TNKS: variants seen among roughly 807,000 people sequenced by gnomAD.
The protein encoded by TNKS is tankyrase, also known as poly [ADP-ribose] polymerase tankyrase-1.
TNKS carries 72 observed loss-of-function variants against 135.8 expected under a neutral mutation model. The observed-to-expected ratio is 0.53, with a 90% CI of 0.44 to 0.64. The LOEUF is 0.64. Ranked by LOEUF, TNKS falls within the 30% of genes least tolerant of loss-of-function variation. TNKS has a pLI of 0.00. For missense variants in TNKS, 1,769 were observed against 1,674.0 expected (o/e 1.06, Z -0.99); for synonymous variants, 849 against 649.3 (o/e 1.31, Z -4.68).
At chr8:9,688,630 T>TTTTTC (rs1432033988) in intron 5 of TNKS, among the ~76,000 whole-genome samples, 1 of 152,134 alleles carries the variant, frequency 6.6e-6, no homozygotes, top group Admixed American at 6.5e-5. Flanking sequence ...GAGCAAGTTT[T>TTTTTC]TTTTCTTTTC....
chr8:9,682,459 C>T (rs1018403285), intron 5 of TNKS, among the ~76,000 whole-genome samples: 3 of 152,134 alleles, frequency 2.0e-5, no homozygotes, highest in African/African-American at 7.2e-5. Context: ...ATGTATAGAA[C>T]TCATTTATTT....
At chr8:9,693,326 G>T (rs1803364963) in intron 5 of TNKS, among the ~76,000 whole-genome samples, 1 of 151,930 alleles carries the variant, frequency 6.6e-6, no homozygotes, top group Non-Finnish European at 1.5e-5. Context: ...TCCTATTTGT[G>T]TGGGAAAAAA....
intron 5 of TNKS, among the ~76,000 whole-genome samples, chr8:9,703,189 C>T (rs1367042189): frequency 6.6e-6 from 1 of 152,076 alleles, no homozygotes; most frequent in Non-Finnish European, 1.5e-5. Flanking sequence ...GAGATGGCTA[C>T]TTAATTTGTA....
At chr8:9,660,702 G>A (rs4262324) in intron 3 of TNKS, among the ~76,000 whole-genome samples, 1 of 152,268 alleles carries the variant, frequency 6.6e-6, no homozygotes, top group African/African-American at 2.4e-5. Context: ...TCTCTCACCA[G>A]TCCTATTCAA....
chr8:9,655,452 G>A lies in TNKS; in HGVS notation c.995-24499G>A, dbSNP rs187491432. Reference sequence around the variant, plus strand: ...AACGGGCAGACTGCCTCCTCAAGTGGGTCCCTGACCCCCGAGTAGCCTAAC... The same window carrying A: ...AACGGGCAGACTGCCTCCTCAAGTGAGTCCCTGACCCCCGAGTAGCCTAAC... On this transcript the variant is annotated intron_variant, in intron 3 of 26. Transcript: ENST00000310430. Among the ~76,000 whole-genome samples, 449 of 152,262 alleles carry A rather than the reference G, an allele frequency of 2.9e-3. 1 individual carries two copies. The highest frequency in any genetic ancestry group is 6.0e-3 in the Admixed American group (92 of 15,290).
intron 12 of TNKS, among the ~76,000 whole-genome samples, chr8:9,720,927 A>C (rs368442220): frequency 3.9e-5 from 6 of 152,302 alleles, no homozygotes; most frequent in African/African-American, 1.4e-4. Context: ...ATTCTGACAT[A>C]CTTTTAAAAT....
At chr8:9,589,223 A>C (rs145603324) in intron 2 of TNKS, among the ~76,000 whole-genome samples, 1 of 152,322 alleles carries the variant, frequency 6.6e-6, no homozygotes, top group East Asian at 1.9e-4. Flanking sequence ...AGGATACTAG[A>C]AGCAGGACAT....
intron 17 of TNKS, among the ~76,000 whole-genome samples, chr8:9,740,554 T>C (rs1252186314): frequency 6.6e-6 from 1 of 152,186 alleles, no homozygotes; most frequent in African/African-American, 2.4e-5. Context: ...CAATCCGGTT[T>C]TTTGAAAGAA....
At chr8:9,593,392 T>G (rs1798659105) in intron 2 of TNKS, among the ~76,000 whole-genome samples, 1 of 152,232 alleles carries the variant, frequency 6.6e-6, no homozygotes, top group South Asian at 2.1e-4. Context: ...GAAATGAAGG[T>G]TCTGTTCACA....
At chr8:9,745,749 C>A (rs1482377848) in intron 17 of TNKS, among the ~76,000 whole-genome samples, 3 of 152,094 alleles carry the variant, frequency 2.0e-5, no homozygotes, top group South Asian at 2.1e-4. Context: ...ATTATTAGAG[C>A]AAATGTGGAA....
chr8:9,700,002 T>A (rs184555855), intron 5 of TNKS, among the ~76,000 whole-genome samples: 11 of 152,322 alleles, frequency 7.2e-5, no homozygotes, highest in African/African-American at 1.9e-4. Context: ...TAGTTTCTTA[T>A]TCTTTTGCCT....
intron 3 of TNKS, among the ~76,000 whole-genome samples, chr8:9,665,860 G>A (rs942872687): frequency 1.2e-4 from 19 of 152,062 alleles, no homozygotes; most frequent in African/African-American, 4.6e-4. Flanking sequence ...GAGTCTCTAA[G>A]CCTCCTCAGA....
At chr8:9,756,574 T>G (rs997706027) in intron 20 of TNKS, among the ~76,000 whole-genome samples, 1 of 151,676 alleles carries the variant, frequency 6.6e-6, no homozygotes, top group African/African-American at 2.4e-5. Flanking sequence ...GAAAAAAAAA[T>G]GTCTAACAGC....
chr8:9,775,314 G>T (rs1268224167), intron 26 of TNKS, among the ~76,000 whole-genome samples: 3 of 151,478 alleles, frequency 2.0e-5, no homozygotes, highest in Non-Finnish European at 4.4e-5. Context: ...AGTACAGACT[G>T]GTTACTGAGA....
At chr8:9,597,928 C>T (rs753646204) in intron 2 of TNKS, among the ~76,000 whole-genome samples, 14 of 152,112 alleles carry the variant, frequency 9.2e-5, no homozygotes, top group Non-Finnish European at 1.5e-4. Context: ...TGTGTCAAAT[C>T]CCATGGAAAC....
At chr8:9,716,104 GTTCATA>G (rs1311886427) in intron 11 of TNKS, among the ~76,000 whole-genome samples, 3 of 152,126 alleles carry the variant, frequency 2.0e-5, no homozygotes, top group Admixed American at 6.5e-5. Flanking sequence ...TTTTTTGACA[GTTCATA>G]TTCATATGTC....
intron 18 of TNKS, among the ~76,000 whole-genome samples, chr8:9,750,683 G>A (rs1339442130): frequency 1.3e-5 from 2 of 152,166 alleles, no homozygotes; most frequent in Admixed American, 6.5e-5. Flanking sequence ...AGGTACTGGT[G>A]TGCATTTCAT....
intron 17 of TNKS, among the ~76,000 whole-genome samples, chr8:9,742,049 A>C (rs1805987760): frequency 6.6e-6 from 1 of 152,222 alleles, no homozygotes; most frequent in African/African-American, 2.4e-5. Context: ...GAGAATGATC[A>C]AAAAATTCTC....
At chr8:9,761,204 G>A (rs1807131561) in intron 20 of TNKS, among the ~76,000 whole-genome samples, 2 of 152,108 alleles carry the variant, frequency 1.3e-5, no homozygotes, top group Non-Finnish European at 2.9e-5. Context: ...TCTATCTTGA[G>A]GCAAGCAGTA....
Sources: allele counts gnomAD v4.1 joint callset (sites outside exome capture counted in the v4.1 genomes callset), GRCh38; gene constraint gnomAD v4.1.1; transcripts MANE v1.5; gene names NCBI Gene and HGNC (gene_info 2026-07-23, HGNC 2026-07-21).